VPS41: variants seen among roughly 807,000 people sequenced by gnomAD.
VPS41 encodes the protein VPS41 subunit of HOPS complex.
In VPS41, 85 loss-of-function variants were observed where a neutral mutation model predicts 130.9. The ratio of observed to expected loss-of-function variants is 0.65; its 90% CI spans 0.55 to 0.78. VPS41 has a LOEUF of 0.78. Among genes scored for constraint, VPS41 ranks in the 30% least tolerant of loss-of-function variants. The pLI, the probability that VPS41 is intolerant of heterozygous loss-of-function variation, is 0.00. For missense variants in VPS41, 874 were observed against 1,018.7 expected (o/e 0.86, Z 1.93); for synonymous variants, 335 against 332.9 (o/e 1.01, Z -0.07).
intron 19 of VPS41, 86 bp downstream of exon 19, chr7:38,756,752 C>G (rs2115733353): frequency 1.3e-5 from 13 of 1,024,090 alleles, no homozygotes; most frequent in Non-Finnish European, 1.4e-5. Context: ...ATTCATTCAC[C>G]AATCCAGCAT....
At chr7:38,801,041 C>T (rs1027197643) in intron 7 of VPS41, among the ~76,000 whole-genome samples, 1 of 152,200 alleles carries the variant, frequency 6.6e-6, no homozygotes, top group African/African-American at 2.4e-5. Flanking sequence ...TTCTGTTATA[C>T]TTGGTGTGCT....
chr7:38,889,935 G>C (rs1196338834), intron 2 of VPS41, among the ~76,000 whole-genome samples: 2 of 152,144 alleles, frequency 1.3e-5, no homozygotes, highest in Non-Finnish European at 2.9e-5. Flanking sequence ...GAGGGTAAAG[G>C]AACTAAATGG....
At chr7:38,886,512 A>T (rs1445534421) in intron 2 of VPS41, among the ~76,000 whole-genome samples, 1 of 152,214 alleles carries the variant, frequency 6.6e-6, no homozygotes, top group Non-Finnish European at 1.5e-5. Flanking sequence ...ACAAAGTGGC[A>T]GGGAAGCTCA....
intron 7 of VPS41, among the ~76,000 whole-genome samples, chr7:38,804,072 G>C (rs1784788833): frequency 6.6e-6 from 1 of 152,052 alleles, no homozygotes; most frequent in African/African-American, 2.4e-5. Context: ...ACAAAATGTT[G>C]GTACGACGGA....
intron 4 of VPS41, among the ~76,000 whole-genome samples, chr7:38,857,741 G>GACCC (rs1786017571): frequency 1.3e-5 from 2 of 152,294 alleles, no homozygotes; most frequent in South Asian, 4.1e-4. Flanking sequence ...TAAGGACCAT[G>GACCC]ACCCATGACA....
At chr7:38,755,267 C>T (rs938268337) in intron 19 of VPS41, among the ~76,000 whole-genome samples, 7 of 152,170 alleles carry the variant, frequency 4.6e-5, no homozygotes, top group African/African-American at 1.7e-4. Flanking sequence ...TCATGAGACT[C>T]TCAGTAGTTA....
chr7:38,828,259 G>A (rs199846275), intron 5 of VPS41, among the ~76,000 whole-genome samples: 4 of 150,864 alleles, frequency 2.7e-5, no homozygotes, highest in African/African-American at 4.9e-5. Flanking sequence ...ACACACACAC[G>A]CACACATACG....
At chr7:38,900,437 A>T (rs2116447654) in intron 1 of VPS41, among the ~76,000 whole-genome samples, 1 of 152,274 alleles carries the variant, frequency 6.6e-6, no homozygotes, top group Non-Finnish European at 1.5e-5. Flanking sequence ...TTTAATGGAT[A>T]CAATATATAT....
At chr7:38,746,790 C>CTT (rs1795993509) in intron 22 of VPS41, among the ~76,000 whole-genome samples, 1 of 152,192 alleles carries the variant, frequency 6.6e-6, no homozygotes, top group Admixed American at 6.5e-5. Context: ...TTCTGTGCAG[C>CTT]TTCACCTGCC....
At chr7:38,744,161 C>G (rs1214280070) in intron 23 of VPS41, among the ~76,000 whole-genome samples, 1 of 152,188 alleles carries the variant, frequency 6.6e-6, no homozygotes, top group Non-Finnish European at 1.5e-5. Flanking sequence ...ATTTATCAAC[C>G]ATGCCTTCTA....
At position 38,743,598 on chromosome 7, in the gene VPS41, T is replaced by G; in HGVS notation, c.1982-56A>C. ...CATTTAAGGTATTTTAATAATTTTT[T>G]TAAAGAAATTGCATATCTCTTAATT... is the stretch of plus-strand genomic sequence containing the variant. On this transcript the variant is annotated intron_variant, in intron 23 of 28. Transcript: ENST00000310301. 4 of 1,578,088 alleles carry G rather than the reference T, an allele frequency of 2.5e-6. No individual in the cohort carries two copies. In the South Asian group the frequency reaches 4.6e-5, roughly 18 times the overall value.
chr7:38,728,306 G>C, intron 27 of VPS41: 1 of 673,588 alleles, frequency 1.5e-6, no homozygotes, highest in African/African-American at 1.8e-5. Context: ...CAGCGATCTG[G>C]GTTCCAATAA....
At chr7:38,882,329 C>A (rs1214784417) in intron 2 of VPS41, among the ~76,000 whole-genome samples, 1 of 152,194 alleles carries the variant, frequency 6.6e-6, no homozygotes, top group Non-Finnish European at 1.5e-5. Context: ...TCCTACCTCA[C>A]TGGTTACCCT....
chr7:38,781,503 T>A (rs185570261), intron 10 of VPS41, among the ~76,000 whole-genome samples: 20 of 152,376 alleles, frequency 1.3e-4, no homozygotes, highest in Non-Finnish European at 2.4e-4. Context: ...TTTCTCTGCA[T>A]TTTCATGAAA....
chr7:38,807,698 T>C (rs1363751800), intron 7 of VPS41, among the ~76,000 whole-genome samples: 1 of 152,196 alleles, frequency 6.6e-6, no homozygotes, highest in Non-Finnish European at 1.5e-5. Context: ...ATGACTGTGA[T>C]TTAGTTTGTA....
rs773049881 is a variant in VPS41 at position 38,756,917 on chromosome 7, A to G, written c.1616T>C (p.Val539Ala). 6.2e-7 allele frequency: 1 copy of G among 1,601,002 alleles called. No homozygotes were observed. The highest frequency in any genetic ancestry group is 8.6e-7 in the Non-Finnish European group (1 of 1,169,044). ...EIYLTLRHKDVFQLIHKHNLF... is the reference protein window; with the variant it reads ...EIYLTLRHKDAFQLIHKHNLF... ...ATTATGCTTGTGGATCAACTGAAAAACGTCTTTATGTCTTAATGTTAAGTA... is the reference window on the plus strand; with the variant it reads ...ATTATGCTTGTGGATCAACTGAAAAGCGTCTTTATGTCTTAATGTTAAGTA... The change falls in exon 19 of 29, where the codon GTT becomes GCT. Residue 539 changes from valine to alanine, a missense_variant. Transcript: ENST00000310301.
At chr7:38,771,391 C>CCT in intron 13 of VPS41, 137 bp from the exon 14 acceptor site, 2 of 593,202 alleles carry the variant, frequency 3.4e-6, no homozygotes, top group Non-Finnish European at 5.8e-6. Context: ...CTGCACTACA[C>CCT]GAATAAAGCT....
At chr7:38,795,178 T>G (rs1410657566) in intron 9 of VPS41, among the ~76,000 whole-genome samples, 3 of 152,110 alleles carry the variant, frequency 2.0e-5, no homozygotes, top group African/African-American at 7.2e-5. Flanking sequence ...GTTCTGTAAA[T>G]AGCTAAGGCC....
At chr7:38,895,739 T>C (rs1272184449) in intron 2 of VPS41, among the ~76,000 whole-genome samples, 2 of 152,200 alleles carry the variant, frequency 1.3e-5, no homozygotes, top group Non-Finnish European at 2.9e-5. Flanking sequence ...CCGCTAAGGA[T>C]GCCTCCCCCA....
Sources: gnomAD v4.1 joint callset for allele counts (sites outside exome capture counted in the v4.1 genomes callset) on GRCh38, gnomAD v4.1.1 for gene constraint, MANE v1.5 for transcripts, NCBI Gene and HGNC (gene_info 2026-07-23, HGNC 2026-07-21) for gene names.